TMEM178B: variants seen among roughly 807,000 people sequenced by gnomAD.
TMEM178B encodes transmembrane protein 178B.
Under a neutral mutation model 31.0 loss-of-function variants are expected in TMEM178B, and 5 were observed. The ratio of observed to expected loss-of-function variants is 0.16; its 90% CI spans 0.08 to 0.34. The LOEUF is 0.34. TMEM178B is among the 10% of genes least tolerant of loss of function. The probability of loss-of-function intolerance (pLI) is 1.00; values close to 1 mark genes in which losing one functional copy is unlikely to be tolerated. For synonymous variants in TMEM178B, 164 were observed against 164.0 expected, an observed-to-expected ratio of 1.00 and a Z score of 0.00; for missense variants, 275 against 400.3, an observed-to-expected ratio of 0.69 and a Z score of 2.67.
At chr7:141,203,059 A>G (rs1318118870) in intron 1 of TMEM178B, among the ~76,000 whole-genome samples, 1 of 152,242 alleles carries the variant, frequency 6.6e-6, no homozygotes, top group Non-Finnish European at 1.5e-5. Context: ...GGTCTTCTAA[A>G]GAATCCAATG....
At chr7:141,411,566 T>C (rs1563175225) in intron 2 of TMEM178B, among the ~76,000 whole-genome samples, 1 of 152,172 alleles carries the variant, frequency 6.6e-6, no homozygotes, top group Non-Finnish European at 1.5e-5. Flanking sequence ...TCAAAGTCAT[T>C]CTCTTAGCTT....
At chr7:141,407,755 C>T (rs1800910558) in intron 2 of TMEM178B, among the ~76,000 whole-genome samples, 1 of 152,130 alleles carries the variant, frequency 6.6e-6, no homozygotes, top group South Asian at 2.1e-4. Flanking sequence ...CATCATGATC[C>T]AACACTCTGA....
intron 2 of TMEM178B, among the ~76,000 whole-genome samples, chr7:141,261,889 T>C (rs1039022787): frequency 6.6e-6 from 1 of 152,174 alleles, no homozygotes; most frequent in African/African-American, 2.4e-5. Flanking sequence ...TCCTGGCTCT[T>C]AGACCTGGAA....
intron 1 of TMEM178B, among the ~76,000 whole-genome samples, chr7:141,190,859 A>C (rs1796686052): frequency 6.6e-6 from 1 of 152,198 alleles, no homozygotes; most frequent in East Asian, 1.9e-4. Context: ...TGTTTTATGC[A>C]TAGGCAAGCA....
intron 2 of TMEM178B, among the ~76,000 whole-genome samples, chr7:141,317,499 C>T (rs1200799030): frequency 3.9e-5 from 6 of 152,160 alleles, no homozygotes; most frequent in African/African-American, 1.4e-4. Flanking sequence ...CAACTTAAAA[C>T]AGGTGGCACT....
intron 1 of TMEM178B, among the ~76,000 whole-genome samples, chr7:141,140,607 G>A (rs1264054660): frequency 6.6e-6 from 1 of 152,078 alleles, no homozygotes; most frequent in Non-Finnish European, 1.5e-5. Context: ...TCCTTTTTCT[G>A]TACCAGGATC....
intron 1 of TMEM178B, among the ~76,000 whole-genome samples, chr7:141,138,939 G>A (rs973952970): frequency 2.0e-5 from 3 of 151,614 alleles, no homozygotes; most frequent in South Asian, 2.1e-4. Context: ...AGCTGAGATC[G>A]CGCCACCGCA....
At chr7:141,209,902 C>T (rs1277377636) in intron 1 of TMEM178B, among the ~76,000 whole-genome samples, 1 of 152,024 alleles carries the variant, frequency 6.6e-6, no homozygotes, top group African/African-American at 2.4e-5. Context: ...CTAGCTGGAG[C>T]CTGGGGTATG....
intron 2 of TMEM178B, among the ~76,000 whole-genome samples, chr7:141,387,673 G>A (rs1361017960): frequency 1.3e-5 from 2 of 152,138 alleles, no homozygotes; most frequent in Non-Finnish European, 2.9e-5. Context: ...TCTCGTATCT[G>A]CGCACCCCCG....
intron 2 of TMEM178B, among the ~76,000 whole-genome samples, chr7:141,284,695 A>G (rs770600719): frequency 1.3e-5 from 2 of 152,166 alleles, no homozygotes; most frequent in African/African-American, 2.4e-5. Context: ...TACAAGGCAT[A>G]ATATGGGGTC....
intron 1 of TMEM178B, among the ~76,000 whole-genome samples, chr7:141,080,689 G>A (rs1285902776): frequency 1.3e-5 from 2 of 152,174 alleles, no homozygotes; most frequent in Non-Finnish European, 2.9e-5. Context: ...AGGGTAATGG[G>A]CACCATGAAG....
chr7:141,495,569 T>C, the TMEM178B span, among the ~76,000 whole-genome samples: 1 of 152,182 alleles, frequency 6.6e-6, no homozygotes. Context: ...CTTGCAGAAA[T>C]TCCCTTTCTG....
chr7:141,459,053 G>T (rs1467967422), intron 3 of TMEM178B, among the ~76,000 whole-genome samples: 1 of 152,202 alleles, frequency 6.6e-6, no homozygotes, highest in Non-Finnish European at 1.5e-5. Context: ...TTTTGAGACA[G>T]AGTTTCACTC....
intron 1 of TMEM178B, among the ~76,000 whole-genome samples, chr7:141,119,196 C>T (rs780490643): frequency 1.3e-5 from 2 of 152,228 alleles, no homozygotes; most frequent in Non-Finnish European, 2.9e-5. Context: ...GTTCAGGTTA[C>T]TCAGCCTGAC....
At chr7:141,418,349 A>G (rs1275782969) in intron 2 of TMEM178B, among the ~76,000 whole-genome samples, 1 of 152,060 alleles carries the variant, frequency 6.6e-6, no homozygotes. Context: ...AGCCCTTGAC[A>G]AGGTCACAGG....
intron 1 of TMEM178B, among the ~76,000 whole-genome samples, chr7:141,146,602 T>C (rs766871599): frequency 1.3e-4 from 20 of 152,232 alleles, no homozygotes; most frequent in Non-Finnish European, 2.6e-4. Context: ...ACTTAGTGTC[T>C]GCTATATAAC....
At chr7:141,391,548 C>A (rs1438769170) in intron 2 of TMEM178B, among the ~76,000 whole-genome samples, 1 of 152,132 alleles carries the variant, frequency 6.6e-6, no homozygotes, top group Admixed American at 6.5e-5. Flanking sequence ...ATAAGATTTA[C>A]CCTTTTAACG....
intron 1 of TMEM178B, among the ~76,000 whole-genome samples, chr7:141,207,377 T>C (rs2129187189): frequency 6.6e-6 from 1 of 152,364 alleles, no homozygotes; most frequent in South Asian, 2.1e-4. Flanking sequence ...AGCCCCACAG[T>C]GGCTGCACTG....
rs559906101 is a variant in TMEM178B, at chr7:141,366,040, C to T, written c.497-71568C>T. Among the ~76,000 whole-genome samples the T allele has an allele frequency of 1.2e-3, 187 of 152,292 alleles. 1 individual carries two copies. The highest frequency in any genetic ancestry group is 4.3e-3 in the African/African-American group (177 of 41,560). On this transcript the variant is annotated intron_variant, in intron 2 of 3. Transcript: ENST00000565468. The stretch of plus-strand genomic sequence containing the variant: ...TCAAATGCAATAATGTTGGGAGAAA[C>T]GTTTCTATAAAGCATAGAGCGCCTT...
Sources: gnomAD v4.1 joint callset for allele counts (sites outside exome capture counted in the v4.1 genomes callset) on GRCh38, gnomAD v4.1.1 for gene constraint, MANE v1.5 for transcripts, NCBI Gene and HGNC (gene_info 2026-07-23, HGNC 2026-07-21) for gene names.